Variants in FAM227B observed in about 807,000 individuals in gnomAD.
FAM227B encodes family with sequence similarity 227 member B.
A neutral mutation model predicts 73.8 loss-of-function variants in FAM227B; 88 were observed. The observed-to-expected ratio is 1.19, with a 90% CI of 1.00 to 1.42. The LOEUF is 1.42. FAM227B is among the 40% of genes most tolerant of loss of function. The pLI is 0.00. For synonymous variants in FAM227B, 210 were observed against 190.5 expected (o/e 1.10, Z -0.84); for missense variants, 632 against 590.9 (o/e 1.07, Z -0.72).
At chr15:49,544,314 T>C (rs1456938493) in intron 9 of FAM227B, among the ~76,000 whole-genome samples, 3 of 152,190 alleles carry the variant, frequency 2.0e-5, no homozygotes, top group African/African-American at 7.2e-5. Flanking sequence ...GCTTGGTTGT[T>C]GTTGGTGTAT....
At chr15:49,438,883 GGAGAAAAAAGAGA>G (rs1401288348) in intron 11 of FAM227B, among the ~76,000 whole-genome samples, 1 of 149,648 alleles carries the variant, frequency 6.7e-6, no homozygotes, top group East Asian at 2.0e-4. Context: ...TAAGAGAGAG[GGAGAAAAAAGAGA>G]GAGAAAAAGA....
intron 11 of FAM227B, among the ~76,000 whole-genome samples, chr15:49,451,751 A>C (rs1019144569): frequency 5.3e-5 from 8 of 152,132 alleles, no homozygotes; most frequent in African/African-American, 1.4e-4. Context: ...AATACTCCTA[A>C]ATTTTATTTA....
intron 13 of FAM227B, chr15:49,366,742 G>A: frequency 2.2e-6 from 2 of 894,466 alleles, no homozygotes; most frequent in East Asian, 2.7e-5. Context: ...GGGGTAGGCT[G>A]GGAGTCCCGC....
intron 5 of FAM227B, among the ~76,000 whole-genome samples, chr15:49,583,969 T>C (rs1270619295): frequency 6.6e-6 from 1 of 152,114 alleles, no homozygotes; most frequent in Non-Finnish European, 1.5e-5. Context: ...CTGAAACTAT[T>C]CCAAAAACTT....
At chr15:49,592,075 T>C in intron 3 of FAM227B, among the ~76,000 whole-genome samples, 1 of 152,222 alleles carries the variant, frequency 6.6e-6, no homozygotes, top group East Asian at 1.9e-4. Context: ...ATTCGTCTTT[T>C]TTTCAAGGTT....
intron 11 of FAM227B, among the ~76,000 whole-genome samples, chr15:49,392,966 A>T (rs1430739552): frequency 1.3e-5 from 2 of 152,158 alleles, no homozygotes; most frequent in Non-Finnish European, 2.9e-5. Flanking sequence ...AACTGAGTGT[A>T]GTTTTTTGTA....
At chr15:49,339,326 C>T (rs996729855) in intron 13 of FAM227B, among the ~76,000 whole-genome samples, 1 of 152,254 alleles carries the variant, frequency 6.6e-6, no homozygotes, top group East Asian at 1.9e-4. Flanking sequence ...GAGTGGACAT[C>T]CTTTTTGTTG....
chr15:49,608,395 G>A (rs2077660204), intron 3 of FAM227B, among the ~76,000 whole-genome samples: 2 of 152,044 alleles, frequency 1.3e-5, no homozygotes, highest in South Asian at 4.1e-4. Flanking sequence ...CAGACAAAAG[G>A]GCTCTCGTGG....
intron 13 of FAM227B, among the ~76,000 whole-genome samples, chr15:49,349,398 C>T (rs2041946043): frequency 6.6e-6 from 1 of 152,132 alleles, no homozygotes; most frequent in Admixed American, 6.5e-5. Context: ...AAGTTTAGAA[C>T]AGCTTCAAGT....
At chr15:49,333,524 G>A (rs921062663) in intron 14 of FAM227B, among the ~76,000 whole-genome samples, 1 of 152,158 alleles carries the variant, frequency 6.6e-6, no homozygotes, top group African/African-American at 2.4e-5. Flanking sequence ...AGAGTCACCC[G>A]GAATGGAACC....
intron 13 of FAM227B, chr15:49,344,200 AAAG>A (rs1351017428): frequency 3.3e-5 from 5 of 152,326 alleles, no homozygotes; most frequent in African/African-American, 9.6e-5. Context: ...AATGTAATCA[AAAG>A]AAAGAAAATT....
intron 11 of FAM227B, among the ~76,000 whole-genome samples, chr15:49,489,875 TATATATATAGAG>T (rs2056894248): frequency 5.8e-5 from 1 of 17,146 alleles, no homozygotes; most frequent in East Asian, 2.1e-3. Context: ...TATATATATA[TATATATATAGAG>T]AGAGAGAGAG....
rs1471536066 is a variant in FAM227B, at chr15:49,328,684, A to ATAAT, written c.1420-13_1420-10dup. On this transcript the variant is annotated splice_polypyrimidine_tract_variant and intron_variant, in intron 15 of 15. Transcript: ENST00000299338. ...ATTTCAGCTTCGGAACGCTATGAAA[A>ATAAT]TAATACATGATTAAAGTTTCACAGA... is the stretch of plus-strand genomic sequence containing the variant. 1.3e-6 allele frequency: 2 copies of ATAAT among 1,551,554 alleles called. No individual in the cohort carries two copies. Among genetic ancestry groups the ATAAT allele is most frequent in the South Asian group, 1.2e-5 (1 of 84,062 alleles).
At chr15:49,464,568 TG>T (rs1567327856) in intron 11 of FAM227B, among the ~76,000 whole-genome samples, 1 of 152,200 alleles carries the variant, frequency 6.6e-6, no homozygotes, top group East Asian at 1.9e-4. Flanking sequence ...TGACTTTTAA[TG>T]TATTGAATTT....
At chr15:49,594,025 G>A (rs2076745200) in intron 3 of FAM227B, among the ~76,000 whole-genome samples, 1 of 152,100 alleles carries the variant, frequency 6.6e-6, no homozygotes, top group Admixed American at 6.5e-5. Context: ...CATAGTGATT[G>A]TACTACTTTA....
At chr15:49,484,045 G>A (rs968895068) in intron 11 of FAM227B, among the ~76,000 whole-genome samples, 6 of 152,014 alleles carry the variant, frequency 3.9e-5, no homozygotes, top group African/African-American at 1.4e-4. Flanking sequence ...TTAAAGAATA[G>A]TTGACATGAA....
intron 3 of FAM227B, among the ~76,000 whole-genome samples, chr15:49,595,847 C>T (rs2076857061): frequency 6.6e-6 from 1 of 151,832 alleles, no homozygotes; most frequent in African/African-American, 2.4e-5. Context: ...TAGAATCAAA[C>T]AAGTAGAATA....
intron 11 of FAM227B, chr15:49,423,234 A>C (rs2049840871): frequency 6.5e-6 from 1 of 152,802 alleles, no homozygotes; most frequent in South Asian, 2.1e-4. Flanking sequence ...GCCCTGAATA[A>C]AAGGCTCACA....
intron 11 of FAM227B, among the ~76,000 whole-genome samples, chr15:49,506,921 C>T (rs1367486914): frequency 2.0e-5 from 3 of 151,904 alleles, no homozygotes; most frequent in Non-Finnish European, 4.4e-5. Flanking sequence ...GTTGTTAATG[C>T]TATTCTTACC....
Sources: allele counts gnomAD v4.1 joint callset (sites outside exome capture counted in the v4.1 genomes callset), GRCh38; gene constraint gnomAD v4.1.1; transcripts MANE v1.5; gene names NCBI Gene and HGNC (gene_info 2026-07-23, HGNC 2026-07-21).